Variants in DSE observed in about 807,000 individuals in gnomAD.
The protein encoded by DSE is dermatan-sulfate epimerase.
Under a neutral mutation model 84.4 loss-of-function variants are expected in DSE, and 36 were observed. The ratio of observed to expected loss-of-function variants is 0.43; its 90% CI spans 0.33 to 0.56. The LOEUF (loss-of-function observed/expected upper bound fraction) is 0.56, where lower values mean the gene tolerates loss of function less well. Among genes scored for constraint, DSE ranks in the 20% least tolerant of loss-of-function variants. DSE has a pLI of 0.06. For missense variants in DSE, 862 were observed against 1,169.6 expected, an observed-to-expected ratio of 0.74 and a Z score of 3.84; for synonymous variants, 410 against 430.1, an observed-to-expected ratio of 0.95 and a Z score of 0.58.
At chr6:116,300,675 C>CTA (rs1774983981) in intron 2 of DSE, among the ~76,000 whole-genome samples, 1 of 152,210 alleles carries the variant, frequency 6.6e-6, no homozygotes, top group Non-Finnish European at 1.5e-5. Flanking sequence ...TGTCAAAGAA[C>CTA]TATTGTCCTT....
intron 2 of DSE, among the ~76,000 whole-genome samples, chr6:116,330,167 A>G (rs935313836): frequency 2.0e-5 from 3 of 152,208 alleles, no homozygotes; most frequent in Middle Eastern, 6.3e-3. Flanking sequence ...AACTTTTTGC[A>G]TTTTCAGCTA....
intron 2 of DSE, among the ~76,000 whole-genome samples, chr6:116,317,527 G>A (rs1451877405): frequency 6.6e-6 from 1 of 152,190 alleles, no homozygotes; most frequent in Non-Finnish European, 1.5e-5. Context: ...TTTTTAGTAA[G>A]GATGCTTAGT....
intron 2 of DSE, among the ~76,000 whole-genome samples, chr6:116,290,942 A>G (rs1292063142): frequency 6.6e-6 from 1 of 152,172 alleles, no homozygotes; most frequent in Non-Finnish European, 1.5e-5. Flanking sequence ...AAGTTTGCTC[A>G]ATTTTCTGGC....
intron 2 of DSE, among the ~76,000 whole-genome samples, chr6:116,281,653 T>C (rs1254293863): frequency 6.6e-6 from 1 of 152,234 alleles, no homozygotes; most frequent in African/African-American, 2.4e-5. Flanking sequence ...GACTGTAAAC[T>C]GCAAGAGGAC....
intron 1 of DSE, among the ~76,000 whole-genome samples, chr6:116,394,210 G>A (rs762741947): frequency 9.4e-4 from 143 of 152,294 alleles, no homozygotes; most frequent in Non-Finnish European, 1.7e-3. Flanking sequence ...CAGAAACGAA[G>A]TTTTTCTGTG....
At chr6:116,325,082 A>C (rs1357946232) in intron 2 of DSE, among the ~76,000 whole-genome samples, 3 of 151,460 alleles carry the variant, frequency 2.0e-5, no homozygotes, top group Non-Finnish European at 4.4e-5. Flanking sequence ...CCTCCTTGGA[A>C]AGGCTGGAAC....
chr6:116,413,912 A>G (rs375921421), intron 2 of DSE, among the ~76,000 whole-genome samples: 29 of 152,192 alleles, frequency 1.9e-4, no homozygotes, highest in African/African-American at 7.0e-4. Context: ...GTCCCTCATT[A>G]TTTTGAAACT....
intron 2 of DSE, among the ~76,000 whole-genome samples, chr6:116,294,178 C>T (rs959689194): frequency 6.6e-6 from 1 of 151,486 alleles, no homozygotes; most frequent in Non-Finnish European, 1.5e-5. Flanking sequence ...CATGTGCCAC[C>T]ATGCCAGTTA....
At chr6:116,376,053 A>T (rs563025953) in intron 1 of DSE, among the ~76,000 whole-genome samples, 1 of 152,204 alleles carries the variant, frequency 6.6e-6, no homozygotes, top group East Asian at 1.9e-4. Flanking sequence ...CTAACATTTT[A>T]TTTTCCTGTT....
chr6:116,379,570 T>A (rs1490030003), intron 1 of DSE, among the ~76,000 whole-genome samples: 1 of 152,202 alleles, frequency 6.6e-6, no homozygotes, highest in Admixed American at 6.5e-5. Flanking sequence ...GTTGCTGTTA[T>A]GCAAGTTCAG....
chr6:116,378,008 A>G (rs1293687727), intron 1 of DSE, among the ~76,000 whole-genome samples: 1 of 152,154 alleles, frequency 6.6e-6, no homozygotes, highest in Admixed American at 6.5e-5. Context: ...CCCCATGGGT[A>G]ATCAGACTTG....
chr6:116,296,858 G>A (rs1433117331), intron 2 of DSE, among the ~76,000 whole-genome samples: 1 of 152,148 alleles, frequency 6.6e-6, no homozygotes, highest in East Asian at 1.9e-4. Context: ...TTGGTAGAGT[G>A]AGAATCTGTT....
chr6:116,267,537 C>T (rs1480638891), intron 2 of DSE, among the ~76,000 whole-genome samples: 3 of 151,846 alleles, frequency 2.0e-5, no homozygotes, highest in Non-Finnish European at 4.4e-5. Flanking sequence ...AGCTAAGTGT[C>T]ATTATAAAAG....
chr6:116,434,411 A>G (rs528172113), intron 5 of DSE, among the ~76,000 whole-genome samples: 16 of 152,284 alleles, frequency 1.1e-4, no homozygotes, highest in South Asian at 8.3e-4. Flanking sequence ...AATGGTGTCT[A>G]TAGTTTAACC....
intron 2 of DSE, among the ~76,000 whole-genome samples, chr6:116,293,872 C>T (rs1326423243): frequency 4.0e-5 from 6 of 151,610 alleles, no homozygotes; most frequent in Non-Finnish European, 7.4e-5. Flanking sequence ...CAGAATGAGA[C>T]GTTGCCTCAA....
intron 4 of DSE, among the ~76,000 whole-genome samples, chr6:116,431,932 C>T (rs1783867338): frequency 6.6e-6 from 1 of 152,012 alleles, no homozygotes; most frequent in African/African-American, 2.4e-5. Flanking sequence ...CAAGGAAATG[C>T]AATTTTTAGA....
chr6:116,313,722 C>A (rs1332632654), intron 2 of DSE, among the ~76,000 whole-genome samples: 5 of 152,280 alleles, frequency 3.3e-5, no homozygotes, highest in African/African-American at 4.8e-5. Context: ...GCATTAATTC[C>A]TATGTATGTT....
In DSE at chr6:116,391,055, A is replaced by G. The variant is rs140510366; in HGVS notation, c.-53-8143A>G. Among the ~76,000 whole-genome samples, 448 of 152,332 alleles carry G rather than the reference A, an allele frequency of 2.9e-3. 6 individuals are homozygous for G. Among genetic ancestry groups the G allele is most frequent in the East Asian group, 0.016 (83 of 5,192 alleles). On this transcript the variant is annotated intron_variant, in intron 1 of 5. Transcript: ENST00000644252. The stretch of plus-strand genomic sequence containing the variant: ...GGGGGAGGAACCCTTCAGACTTGAC[A>G]TCAGAAAATGTTTGTGAGCACTTTA...
At chr6:116,423,086 A>G (rs1430547968) in intron 2 of DSE, 1 of 152,092 alleles carries the variant, frequency 6.6e-6, no homozygotes, top group Non-Finnish European at 1.5e-5. Flanking sequence ...TTTACTTTAC[A>G]TTTATTTCTT....
Sources: allele counts gnomAD v4.1 joint callset (sites outside exome capture counted in the v4.1 genomes callset), GRCh38; gene constraint gnomAD v4.1.1; transcripts MANE v1.5; gene names NCBI Gene and HGNC (gene_info 2026-07-23, HGNC 2026-07-21).